Variants in RBFOX1 observed in about 807,000 individuals in gnomAD.
RBFOX1 encodes RNA binding fox-1 homolog 1.
A neutral mutation model predicts 57.7 loss-of-function variants in RBFOX1; 8 were observed. The ratio of observed to expected loss-of-function variants is 0.14; its 90% CI spans 0.08 to 0.25. The LOEUF (loss-of-function observed/expected upper bound fraction) is 0.25. RBFOX1 is among the 10% of genes least tolerant of loss of function. The pLI, the probability that RBFOX1 is intolerant of heterozygous loss-of-function variation, is 1.00. For missense variants in RBFOX1, 611 were observed against 548.5 expected (o/e 1.11, Z -1.14); for synonymous variants, 326 against 222.4 (o/e 1.47, Z -4.15).
intron 3 of RBFOX1, among the ~76,000 whole-genome samples, chr16:6,812,760 C>A (rs2089046728): frequency 6.6e-6 from 1 of 152,154 alleles, no homozygotes; most frequent in African/African-American, 2.4e-5. Flanking sequence ...TTGGAGGCCT[C>A]ATTTGTGCTC....
In RBFOX1 at chr16:6,379,061, AAGG is replaced by A. The variant is rs2091512653; in HGVS notation, c.-64+62018_-64+62020del. ...TTGGGATTGTGTGTTAGGACTGAGG[AAGG>A]AGGAGGAGGAGGATGCCCAGCTTTC... is the stretch of plus-strand genomic sequence containing the variant. On this transcript the variant is annotated intron_variant, in intron 2 of 15. Coordinates refer to ENST00000550418, the MANE Select transcript of RBFOX1 (RefSeq NM_018723.4). Among the ~76,000 whole-genome samples the A allele has an allele frequency of 3.3e-5, 5 of 152,014 alleles. No homozygotes were observed. The South Asian group carries it at 6.2e-4, about 19-fold the overall frequency.
intron 3 of RBFOX1, among the ~76,000 whole-genome samples, chr16:6,979,067 C>G (rs1598972614): frequency 6.6e-6 from 1 of 152,256 alleles, no homozygotes; most frequent in Non-Finnish European, 1.5e-5. Flanking sequence ...TAGAGAGAAT[C>G]TGTATAAAAT....
intron 11 of RBFOX1, among the ~76,000 whole-genome samples, chr16:7,652,799 C>T (rs1452839562): frequency 6.6e-6 from 1 of 152,170 alleles, no homozygotes; most frequent in Admixed American, 6.5e-5. Context: ...CACAGGAGTT[C>T]AGCAGACTTA....
At chr16:7,255,639 GA>G (rs2094647055) in intron 4 of RBFOX1, among the ~76,000 whole-genome samples, 1 of 152,058 alleles carries the variant, frequency 6.6e-6, no homozygotes, top group Admixed American at 6.6e-5. Flanking sequence ...CTGTTCAGTA[GA>G]AATATAATGC....
chr16:5,769,589 G>C (rs1323291863), intron 3 of RBFOX1, among the ~76,000 whole-genome samples: 4 of 152,108 alleles, frequency 2.6e-5, no homozygotes. Flanking sequence ...GAAGGAGGAG[G>C]TTGCGGTGAG....
At chr16:6,451,192 T>C (rs2094614160) in intron 2 of RBFOX1, among the ~76,000 whole-genome samples, 1 of 151,992 alleles carries the variant, frequency 6.6e-6, no homozygotes, top group African/African-American at 2.4e-5. Context: ...TATTATTCTT[T>C]TATTTTTTTA....
chr16:7,380,557 A>G (rs1272574819), intron 4 of RBFOX1, among the ~76,000 whole-genome samples: 1 of 152,216 alleles, frequency 6.6e-6, no homozygotes, highest in Non-Finnish European at 1.5e-5. Context: ...CTATTGATAG[A>G]CATTTGTATT....
chr16:7,450,179 A>T (rs1364363095), intron 4 of RBFOX1, among the ~76,000 whole-genome samples: 1 of 152,092 alleles, frequency 6.6e-6, no homozygotes, highest in Non-Finnish European at 1.5e-5. Context: ...GTGGATCACA[A>T]GGTCAGGGGA....
intron 1 of RBFOX1, among the ~76,000 whole-genome samples, chr16:6,230,618 A>G (rs1326377151): frequency 6.6e-6 from 1 of 152,204 alleles, no homozygotes; most frequent in African/African-American, 2.4e-5. Context: ...GAGCAGAAGT[A>G]TAAAGAGGTC....
chr16:6,508,334 C>A (rs1017868319), intron 2 of RBFOX1, among the ~76,000 whole-genome samples: 1 of 152,110 alleles, frequency 6.6e-6, no homozygotes, highest in African/African-American at 2.4e-5. Context: ...ACCTATGTAA[C>A]AAACCTGCAC....
intron 4 of RBFOX1, among the ~76,000 whole-genome samples, chr16:7,268,722 T>C (rs1285120730): frequency 1.3e-5 from 2 of 152,034 alleles, no homozygotes; most frequent in African/African-American, 2.4e-5. Flanking sequence ...ACTAGCCTTT[T>C]TCTCACCCAA....
chr16:6,782,005 G>A (rs560104253), intron 3 of RBFOX1, among the ~76,000 whole-genome samples: 6 of 152,106 alleles, frequency 3.9e-5, no homozygotes, highest in African/African-American at 1.4e-4. Flanking sequence ...TGTTGCTGCT[G>A]TTGTTGTTAT....
chr16:5,719,280 C>T (rs961089875), intron 3 of RBFOX1, among the ~76,000 whole-genome samples: 1 of 149,376 alleles, frequency 6.7e-6, no homozygotes, highest in Non-Finnish European at 1.5e-5. Flanking sequence ...CGGCTCACTG[C>T]AAGCTCCGCC....
chr16:6,510,954 G>T (rs1191247382), intron 2 of RBFOX1, among the ~76,000 whole-genome samples: 1 of 152,126 alleles, frequency 6.6e-6, no homozygotes, highest in African/African-American at 2.4e-5. Flanking sequence ...TTTGAAATGT[G>T]GTGTGTGCTG....
chr16:7,466,816 T>C (rs184859249), intron 4 of RBFOX1, among the ~76,000 whole-genome samples: 3 of 152,244 alleles, frequency 2.0e-5, no homozygotes, highest in Admixed American at 2.0e-4. Context: ...CAATGCTAGG[T>C]TGGGGACACC....
chr16:7,587,439 C>T (rs965035467), intron 7 of RBFOX1, 139 bp downstream of exon 7: 35 of 900,652 alleles, frequency 3.9e-5, no homozygotes, highest in Admixed American at 3.2e-4. Context: ...GACCACCTTC[C>T]GTTTTCAAAA....
At chr16:6,194,916 A>G (rs1215946320) in intron 1 of RBFOX1, among the ~76,000 whole-genome samples, 1 of 152,220 alleles carries the variant, frequency 6.6e-6, no homozygotes, top group African/African-American at 2.4e-5. Context: ...ATGAGTGAGT[A>G]GATATGAATA....
chr16:6,621,762 A>G (rs867911365), intron 2 of RBFOX1, among the ~76,000 whole-genome samples: 8 of 152,326 alleles, frequency 5.3e-5, no homozygotes, highest in Middle Eastern at 3.4e-3. Flanking sequence ...CTTTAGGCTA[A>G]TCACTGCAGC....
chr16:7,532,405 T>C (rs1338893299), intron 5 of RBFOX1, among the ~76,000 whole-genome samples: 1 of 152,066 alleles, frequency 6.6e-6, no homozygotes, highest in East Asian at 1.9e-4. Context: ...CGAGGGGAGA[T>C]AGGGTATATT....
Sources: gnomAD v4.1 joint callset for allele counts (sites outside exome capture counted in the v4.1 genomes callset) on GRCh38, gnomAD v4.1.1 for gene constraint, MANE v1.5 for transcripts, NCBI Gene and HGNC (gene_info 2026-07-23, HGNC 2026-07-21) for gene names.